The following ADIPOR2 variants were observed in gnomAD, a reference collection of about 807,000 sequenced individuals.
The protein encoded by ADIPOR2 is adiponectin receptor protein 2.
In ADIPOR2, 18 loss-of-function variants were observed where a neutral mutation model predicts 40.9. That is an observed-to-expected ratio of 0.44 (90% CI 0.30 to 0.65). ADIPOR2 has a LOEUF of 0.65. ADIPOR2 is among the 30% of genes least tolerant of loss of function. The probability of loss-of-function intolerance (pLI) is 0.09; values close to 1 mark genes in which losing one functional copy is unlikely to be tolerated. For missense variants in ADIPOR2, 283 were observed against 479.2 expected (o/e 0.59, Z 3.82); for synonymous variants, 165 against 166.4 (o/e 0.99, Z 0.06).
rs1323182258 is a variant in ADIPOR2, at chr12:1,778,041, GA to G, written c.463+17del. 4.4e-6 allele frequency: 7 copies of G among 1,604,726 alleles called. No individual in the cohort carries two copies. The South Asian group carries it at 6.7e-5, about 15-fold the overall frequency. The stretch of plus-strand genomic sequence containing the variant: ...CATCTCTTAGGTATGTAATGTCAGT[GA>G]TGTAATGAGCTGGTGATTCACTTTC... On this transcript the variant is annotated intron_variant, in intron 4 of 7. Transcript: ENST00000357103.
At chr12:1,749,297 C>T (rs1424867013) in intron 1 of ADIPOR2, among the ~76,000 whole-genome samples, 2 of 151,456 alleles carry the variant, frequency 1.3e-5, no homozygotes, top group African/African-American at 2.4e-5. Context: ...AACATTCCTA[C>T]CCCAAGGGCA....
chr12:1,766,287 C>G (rs1442291692), intron 2 of ADIPOR2, among the ~76,000 whole-genome samples: 1 of 152,086 alleles, frequency 6.6e-6, no homozygotes, highest in African/African-American at 2.4e-5. Context: ...ATAATAATAG[C>G]TAATGTTTAT....
intron 1 of ADIPOR2, among the ~76,000 whole-genome samples, chr12:1,698,505 G>A (rs1012509900): frequency 6.6e-6 from 1 of 152,120 alleles, no homozygotes; most frequent in Admixed American, 6.5e-5. Flanking sequence ...TTATAGGCTT[G>A]AGCCACCATG....
chr12:1,755,066 G>A lies in ADIPOR2; in HGVS notation c.171+552G>A, dbSNP rs150737788. ...ATTTGATTTTGATTTTATGGTTAATGTCTTTCTGCTGACTCTTTTTTTTTT... is the reference window on the plus strand; with the variant it reads ...ATTTGATTTTGATTTTATGGTTAATATCTTTCTGCTGACTCTTTTTTTTTT... On this transcript the variant is annotated intron_variant, in intron 2 of 7. Coordinates refer to ENST00000357103, the MANE Select transcript of ADIPOR2 (RefSeq NM_024551.3). 5.4e-4 allele frequency among the ~76,000 whole-genome samples: 53 copies of A among 97,336 alleles called. 7 individuals are homozygous for A. Among genetic ancestry groups the A allele is most frequent in the African/African-American group, 1.4e-3 (48 of 34,912 alleles). 63.9% of individuals were successfully genotyped at this position (97,336 alleles called of 152,430 possible). A position where few individuals can be genotyped will look rare whatever the true frequency, so the allele number is the denominator to read the frequency against.
chr12:1,783,300 C>T (rs1468731612), intron 6 of ADIPOR2, among the ~76,000 whole-genome samples: 1 of 152,048 alleles, frequency 6.6e-6, no homozygotes, highest in East Asian at 1.9e-4. Flanking sequence ...TAAATAAACT[C>T]CTGGAGCTGT....
rs1175403132 is a variant in ADIPOR2 at position 1,786,415 on chromosome 12, C to T, written c.*343C>T. ...TGTAGAAGATGGCGAAACAGTTTAG[C>T]TGGTGGTTCTTTCTTCTCCCTTTCT... On this transcript the variant is annotated 3_prime_UTR_variant, in exon 8 of 8. Transcript: ENST00000357103. 3 of 215,670 alleles carry T rather than the reference C, an allele frequency of 1.4e-5. No individual in the cohort carries two copies. In the Admixed American group the frequency reaches 1.6e-4, roughly 11 times the overall value. The allele number at this position is 215,670 out of a possible 1,614,324, so 13.4% of individuals were successfully genotyped here. A position where few individuals can be genotyped will look rare whatever the true frequency, so the allele number is the denominator to read the frequency against.
intron 1 of ADIPOR2, among the ~76,000 whole-genome samples, chr12:1,704,811 G>A (rs1356887458): frequency 6.6e-6 from 1 of 152,118 alleles, no homozygotes; most frequent in African/African-American, 2.4e-5. Flanking sequence ...GCCTTCAGAT[G>A]TATATTCTAA....
chr12:1,760,152 AT>A, intron 2 of ADIPOR2, among the ~76,000 whole-genome samples: 1 of 152,292 alleles, frequency 6.6e-6, no homozygotes, highest in African/African-American at 2.4e-5. Flanking sequence ...TTTATTTTAA[AT>A]AAGTATTTTA....
At chr12:1,767,453 G>C (rs1862406561) in intron 2 of ADIPOR2, among the ~76,000 whole-genome samples, 1 of 151,942 alleles carries the variant, frequency 6.6e-6, no homozygotes, top group Admixed American at 6.6e-5. Context: ...AGAATACTGG[G>C]TATACATCCA....
chr12:1,713,804 T>G (rs1179214804), intron 1 of ADIPOR2, among the ~76,000 whole-genome samples: 2 of 151,932 alleles, frequency 1.3e-5, no homozygotes, highest in African/African-American at 4.8e-5. Flanking sequence ...TAATGGACCT[T>G]GAGGACAGCT....
chr12:1,725,918 C>A (rs1053384196), intron 1 of ADIPOR2, among the ~76,000 whole-genome samples: 3 of 152,068 alleles, frequency 2.0e-5, no homozygotes, highest in Non-Finnish European at 4.4e-5. Context: ...AAGAAATCTT[C>A]ATTGAATGTC....
At chr12:1,741,595 AG>A (rs1332873413) in intron 1 of ADIPOR2, among the ~76,000 whole-genome samples, 1 of 152,238 alleles carries the variant, frequency 6.6e-6, no homozygotes, top group East Asian at 1.9e-4. Flanking sequence ...ATCATTAAAT[AG>A]GAAAACAGAA....
intron 4 of ADIPOR2, among the ~76,000 whole-genome samples, chr12:1,779,508 G>A (rs1199572726): frequency 1.3e-5 from 2 of 152,102 alleles, no homozygotes; most frequent in Non-Finnish European, 2.9e-5. Context: ...GTTTAGGGCT[G>A]TAAGGAGTGG....
chr12:1,698,560 C>T (rs2094644007), intron 1 of ADIPOR2, among the ~76,000 whole-genome samples: 2 of 152,048 alleles, frequency 1.3e-5, no homozygotes, highest in Admixed American at 6.6e-5. Context: ...TTGTGGCTTA[C>T]TTTACATCTG....
At position 1,712,334 on chromosome 12, in the gene ADIPOR2, C is replaced by T. The variant is rs182042262; in HGVS notation, c.-87+21143C>T. Among the ~76,000 whole-genome samples the T allele has an allele frequency of 9.5e-3, 1,453 of 152,186 alleles. 40 individuals are homozygous for T. Among genetic ancestry groups the T allele is most frequent in the African/African-American group, 0.033 (1,379 of 41,460 alleles). On this transcript the variant is annotated intron_variant, in intron 1 of 7. Transcript: ENST00000357103. ...GAGTAGCACCTGGTATCCAAGCAGG[C>T]GGTTGTCTGATAGCCATAAACTTCC...
At chr12:1,765,802 A>G (rs893810804) in intron 2 of ADIPOR2, among the ~76,000 whole-genome samples, 6 of 152,080 alleles carry the variant, frequency 3.9e-5, no homozygotes, top group Admixed American at 6.6e-5. Context: ...AACCATTTCA[A>G]ATTGAACTAA....
chr12:1,772,931 T>C lies in ADIPOR2; in HGVS notation c.261T>C (p.Ala87=). ...GMSPLLQAHH[A]MEKMEEFVCK... ...CCCCTCTCTTACAAGCCCATCATGC[T>C]ATGGAAAAAATGGAAGAATTTGTTT... Residue 87 remains alanine, a synonymous_variant, in exon 3 of 8, where the codon GCT becomes GCC. Transcript: ENST00000357103. 6.2e-7 allele frequency: 1 copy of C among 1,613,568 alleles called. No homozygotes were observed. Among genetic ancestry groups the C allele is most frequent in the Non-Finnish European group, 8.5e-7 (1 of 1,179,742 alleles).
chr12:1,736,504 T>C (rs917603043), intron 1 of ADIPOR2, among the ~76,000 whole-genome samples: 5 of 152,228 alleles, frequency 3.3e-5, no homozygotes, highest in Non-Finnish European at 7.3e-5. Flanking sequence ...TTCTCTCTTT[T>C]CTTCTTTATT....
At chr12:1,726,123 C>T (rs1207386654) in intron 1 of ADIPOR2, among the ~76,000 whole-genome samples, 4 of 152,194 alleles carry the variant, frequency 2.6e-5, no homozygotes, top group Non-Finnish European at 4.4e-5. Context: ...ACTTAAGCAA[C>T]CTTAGTGCTT....
Sources: allele counts gnomAD v4.1 joint callset (sites outside exome capture counted in the v4.1 genomes callset), GRCh38; gene constraint gnomAD v4.1.1; transcripts MANE v1.5; gene names NCBI Gene and HGNC (gene_info 2026-07-23, HGNC 2026-07-21).